WDR62: variants seen among roughly 807,000 people sequenced by gnomAD.
WDR62 encodes the protein WD repeat-containing protein 62.
Under a neutral mutation model 160.6 loss-of-function variants are expected in WDR62, and 112 were observed. That is an observed-to-expected ratio of 0.70 (90% confidence interval 0.60 to 0.82). WDR62 has a LOEUF of 0.82. Ranked by LOEUF, WDR62 falls within the 40% of genes least tolerant of loss-of-function variation. The pLI, the probability that WDR62 is intolerant of heterozygous loss-of-function variation, is 0.00. For missense variants in WDR62, 1,819 were observed against 1,983.8 expected, an observed-to-expected ratio of 0.92 and a Z score of 1.58; for synonymous variants, 792 against 815.1, an observed-to-expected ratio of 0.97 and a Z score of 0.48.
In WDR62 at chr19:36,066,530, C is replaced by G. The variant is rs1164551074; in HGVS notation, c.561+103C>G. Reference sequence around the variant, plus strand: ...ATGAGAGGACGCAGTAAAGTGCTCACTCACCCAACAGATAACAGCTATTGA... The same window carrying G: ...ATGAGAGGACGCAGTAAAGTGCTCAGTCACCCAACAGATAACAGCTATTGA... On this transcript the variant is annotated intron_variant, in intron 5 of 31. Coordinates refer to ENST00000401500, the MANE Select transcript of WDR62 (RefSeq NM_001083961.2). The G allele has an allele frequency of 1.5e-5, 20 of 1,316,184 alleles. No homozygotes were observed. In the African/African-American group the frequency reaches 2.6e-4, roughly 17 times the overall value. 81.5% of individuals were successfully genotyped at this position (1,316,184 alleles called of 1,614,324 possible).
intron 10 of WDR62, among the ~76,000 whole-genome samples, chr19:36,082,592 A>C (rs1049768787): frequency 2.6e-5 from 4 of 152,198 alleles, no homozygotes; most frequent in African/African-American, 4.8e-5. Flanking sequence ...TGTGACATAC[A>C]TGCTGTTTTT....
chr19:36,090,314 C>G, intron 15 of WDR62, 131 bp from the exon 16 acceptor site: 1 of 820,924 alleles, frequency 1.2e-6, no homozygotes, highest in Non-Finnish European at 2.1e-6. Flanking sequence ...GTTTCAGTTT[C>G]AGTCTAGGCA....
At chr19:36,060,884 A>C (rs1040089536) in intron 3 of WDR62, 1 of 152,236 alleles carries the variant, frequency 6.6e-6, no homozygotes, top group African/African-American at 2.4e-5. Flanking sequence ...ATTTTCTAAG[A>C]GAAAGACTTA....
At chr19:36,099,881 G>T (rs1299758496) in intron 22 of WDR62, among the ~76,000 whole-genome samples, 1 of 152,198 alleles carries the variant, frequency 6.6e-6, no homozygotes, top group Non-Finnish European at 1.5e-5. Flanking sequence ...GGTAGATCGA[G>T]CCCTGACCCT....
Position 36,099,386 on chromosome 19 carries a change from G to C in WDR62, c.2521-13G>C, listed in dbSNP as rs79646208. 1.9e-3 allele frequency: 3,119 copies of C among 1,611,836 alleles called. 61 individuals are homozygous for C. The African/African-American group carries it at 0.037, about 19-fold the overall frequency. On this transcript the variant is annotated splice_polypyrimidine_tract_variant and intron_variant, in intron 21 of 31. Transcript: ENST00000401500. ...CACTCAGCCAGTTGCCTGACTGTCC[G>C]ATATCCTTCAAGCTAGGGGACGATG...
chr19:36,091,073 A>C, intron 16 of WDR62, 127 bp from the exon 17 acceptor site: 1 of 762,770 alleles, frequency 1.3e-6, no homozygotes, highest in Non-Finnish European at 2.3e-6. Context: ...GTCGAATGGG[A>C]GCGGGAGCTC....
At chr19:36,101,046 G>C (rs1270527486) in intron 23 of WDR62, among the ~76,000 whole-genome samples, 168 bp from the exon 24 acceptor site, 1 of 152,190 alleles carries the variant, frequency 6.6e-6, no homozygotes, top group East Asian at 1.9e-4. Flanking sequence ...GTGGGGTACA[G>C]GAGGGCCTGA....
Position 36,094,062 on chromosome 19 carries a change from A to G in WDR62, c.2365A>G (p.Ile789Val), listed in dbSNP as rs749514471. 1.2e-6 allele frequency: 2 copies of G among 1,614,092 alleles called. No individual in the cohort carries two copies. The highest frequency in any genetic ancestry group is 8.5e-7 in the Non-Finnish European group (1 of 1,180,002). Reference protein sequence around the residue: ...QDTYVSTPSEIHSLSPGEQTE... With the variant: ...QDTYVSTPSEVHSLSPGEQTE... ...TACGTATGTGTCCACACCTAGTGAG[A>G]TTCACTCCCTGAGCCCTGGAGAGCA... The change falls in exon 20 of 32, where the codon ATT (isoleucine) becomes GTT (valine). Residue 789 changes from isoleucine (I) to valine (V), a missense_variant. Physicochemically the swap from Ile to Val is conservative, Grantham distance 29. Around this residue, in one of 3 missense-constraint regions of WDR62, gnomAD observed 934 missense variants for 1,157.2 expected, o/e 0.81. Transcript: ENST00000401500.
At chr19:36,065,711 T>C (rs1356685021) in intron 3 of WDR62, among the ~76,000 whole-genome samples, 2 of 152,154 alleles carry the variant, frequency 1.3e-5, no homozygotes, top group Non-Finnish European at 2.9e-5. Flanking sequence ...CCGCATACAG[T>C]GTCTACTCCA....
chr19:36,069,247 G>C (rs891086663), intron 7 of WDR62, among the ~76,000 whole-genome samples: 3 of 151,182 alleles, frequency 2.0e-5, no homozygotes, highest in African/African-American at 7.3e-5. Flanking sequence ...GGCAGCTGCC[G>C]GGCGGAGGGG....
In WDR62 at chr19:36,054,975, G is replaced by A. The variant is rs1970266515; in HGVS notation, c.4G>A (p.Ala2Thr). ...GTCGCCCGCCTCCGGCGTGACGATG[G>A]CGGCCGTAGGGTCCGGAGGCTATGC... is the stretch of plus-strand genomic sequence containing the variant. Reference protein sequence around the residue: MAAVGSGGYARN... With the variant: MTAVGSGGYARN... Residue 2 changes from alanine to threonine, a missense_variant, in exon 1 of 32, where the codon GCG (alanine) becomes ACG (threonine). Physicochemically the swap from Ala to Thr is moderately conservative, Grantham distance 58. This residue lies in a region of WDR62 where 115 missense variants were observed against 92.4 expected (regional missense o/e 1.24). Coordinates refer to ENST00000401500, the MANE Select transcript of WDR62 (RefSeq NM_001083961.2). The A allele has an allele frequency of 6.3e-7, 1 of 1,598,924 alleles. No homozygotes were observed. Among genetic ancestry groups the A allele is most frequent in the Non-Finnish European group, 8.5e-7 (1 of 1,174,618 alleles).
chr19:36,094,039 C>T lies in WDR62; in HGVS notation c.2342C>T (p.Thr781Met), dbSNP rs372603166. The T allele has an allele frequency of 6.2e-6, 10 of 1,613,878 alleles. No individual in the cohort carries two copies. Among genetic ancestry groups the T allele is most frequent in the South Asian group, 3.3e-5 (3 of 91,078 alleles). Residue 781 changes from threonine to methionine, a missense_variant, in exon 20 of 32, where the codon ACG (threonine) becomes ATG (methionine). Physicochemically the swap from Thr to Met is moderately conservative, Grantham distance 81. Coordinates refer to ENST00000401500, the MANE Select transcript of WDR62 (RefSeq NM_001083961.2). ...CTCATTCCTGGCTTTAGGCAGGATA[C>T]GTATGTGTCCACACCTAGTGAGATT... ...KKRSGHPRQD[T>M]YVSTPSEIHS...
downstream of WDR62, among the ~76,000 whole-genome samples, chr19:36,105,973 A>G (rs894525954): frequency 1.2e-4 from 19 of 152,194 alleles, no homozygotes; most frequent in African/African-American, 4.3e-4. Context: ...TGCTGGGATT[A>G]CAGGCATGAG....
intron 22 of WDR62, among the ~76,000 whole-genome samples, chr19:36,100,532 G>A (rs1973264438): frequency 6.6e-6 from 1 of 152,228 alleles, no homozygotes; most frequent in South Asian, 2.1e-4. Flanking sequence ...ACACGTAGAG[G>A]GTTGGGCCTC....
rs1367346146 is a variant in WDR62 at position 36,071,684 on chromosome 19, T to C, written c.1011T>C (p.Leu337=). The C allele has an allele frequency of 6.2e-7, 1 of 1,614,112 alleles. No homozygotes were observed. Among genetic ancestry groups the C allele is most frequent in the South Asian group, 1.1e-5 (1 of 91,084 alleles). Residue 337 remains leucine, a synonymous_variant, in exon 8 of 32, where the codon CTT becomes CTC. Transcript: ENST00000401500. ...YLANLPKPHY[L]GVDVAQGLEP... is the part of the protein sequence containing the mutation. Reference sequence around the variant, plus strand: ...CCAACCTGCCCAAGCCACACTACCTTGGGGTAGACGTGGCACAGGGCCTGG... The same window carrying C: ...CCAACCTGCCCAAGCCACACTACCTCGGGGTAGACGTGGCACAGGGCCTGG...
chr19:36,081,448 G>A lies in WDR62; in HGVS notation c.1249G>A (p.Glu417Lys). 1 of 1,613,992 alleles carries A rather than the reference G, an allele frequency of 6.2e-7. No individual in the cohort carries two copies. Residue 417 changes from glutamate to lysine, a missense_variant, in exon 10 of 32, where the codon GAA becomes AAA. Glu to Lys is a moderately conservative substitution (Grantham distance 56). Around this residue, in one of 3 missense-constraint regions of WDR62, gnomAD observed 934 missense variants for 1,157.2 expected, o/e 0.81. Transcript: ENST00000401500. ...GGAACTGTAGGTGTATCCTGAGTTT[G>A]AAGACCAGAGAGCTTGTTTGCCATC... ...VWNVEVYPEF[E>K]DQRACLPSGS...
intron 21 of WDR62, among the ~76,000 whole-genome samples, chr19:36,098,295 G>A (rs1173192605): frequency 2.0e-5 from 3 of 151,834 alleles, no homozygotes; most frequent in South Asian, 4.2e-4. Flanking sequence ...GACCGGGTGC[G>A]GTGGCTCACG....
At chr19:36,098,354 C>G (rs1973104996) in intron 21 of WDR62, among the ~76,000 whole-genome samples, 1 of 151,546 alleles carries the variant, frequency 6.6e-6, no homozygotes, top group Admixed American at 6.6e-5. Context: ...AATCCAAGGT[C>G]AAGAGATCAA....
chr19:36,066,801 T>A (rs987807332), intron 5 of WDR62, among the ~76,000 whole-genome samples: 1 of 152,144 alleles, frequency 6.6e-6, no homozygotes, highest in Admixed American at 6.5e-5. Context: ...CAGAAGTGGG[T>A]ACCAAGTCCT....
Sources: allele counts gnomAD v4.1 joint callset (sites outside exome capture counted in the v4.1 genomes callset), GRCh38; gene constraint gnomAD v4.1.1; regional missense constraint gnomAD v4.1.1; transcripts MANE v1.5; gene names NCBI Gene and HGNC (gene_info 2026-07-23, HGNC 2026-07-21).